LHFPL3: variants seen among roughly 807,000 people sequenced by gnomAD.
LHFPL3 encodes LHFPL tetraspan subfamily member 3 protein.
Under a neutral mutation model 19.3 loss-of-function variants are expected in LHFPL3, and 5 were observed. The ratio of observed to expected loss-of-function variants is 0.26; its 90% CI spans 0.14 to 0.54. The LOEUF is 0.54. Among genes scored for constraint, LHFPL3 ranks in the 20% least tolerant of loss-of-function variants. The pLI is 0.94. For missense variants in LHFPL3, 249 were observed against 307.4 expected (o/e 0.81, Z 1.42); for synonymous variants, 133 against 126.2 (o/e 1.05, Z -0.36).
chr7:104,666,817 G>T (rs1054960360), intron 1 of LHFPL3, among the ~76,000 whole-genome samples: 1 of 151,818 alleles, frequency 6.6e-6, no homozygotes, highest in African/African-American at 2.4e-5. Flanking sequence ...CCACCACCGC[G>T]CCCAGCCTCA....
At chr7:104,593,370 G>A (rs1790768761) in intron 1 of LHFPL3, among the ~76,000 whole-genome samples, 3 of 152,258 alleles carry the variant, frequency 2.0e-5, no homozygotes, top group Non-Finnish European at 2.9e-5. Context: ...TCTTAATCCT[G>A]AGTTCTAGTT....
At chr7:104,872,744 A>ATCTTCTATGT (rs1791860373) in intron 2 of LHFPL3, among the ~76,000 whole-genome samples, 1 of 152,114 alleles carries the variant, frequency 6.6e-6, no homozygotes, top group Non-Finnish European at 1.5e-5. Context: ...GGACAATAAC[A>ATCTTCTATGT]CACGGAGCTG....
At chr7:104,814,667 C>A (rs943253816) in intron 2 of LHFPL3, among the ~76,000 whole-genome samples, 1 of 152,212 alleles carries the variant, frequency 6.6e-6, no homozygotes, top group Non-Finnish European at 1.5e-5. Flanking sequence ...TGCCAAGCGG[C>A]ACCTATAGGT....
intron 1 of LHFPL3, among the ~76,000 whole-genome samples, chr7:104,396,759 C>T (rs1429769441): frequency 6.6e-6 from 1 of 151,854 alleles, no homozygotes; most frequent in Non-Finnish European, 1.5e-5. Flanking sequence ...GAGTTCAAGG[C>T]TAGCCTGGGC....
chr7:104,637,247 T>C (rs958112662), intron 1 of LHFPL3, among the ~76,000 whole-genome samples: 1 of 152,156 alleles, frequency 6.6e-6, no homozygotes, highest in African/African-American at 2.4e-5. Context: ...TGCTTGTAAA[T>C]TTGTTTAAGT....
intron 1 of LHFPL3, chr7:104,668,371 T>C: frequency 6.3e-7 from 1 of 1,594,238 alleles, no homozygotes; most frequent in Admixed American, 1.7e-5. Context: ...ACAGACACCT[T>C]TGATGACTAC....
chr7:104,424,983 T>TAAAAAAAAAA (rs71153196), intron 1 of LHFPL3, among the ~76,000 whole-genome samples: 1,095 of 65,040 alleles, frequency 0.017, 136 homozygotes, highest in African/African-American at 0.048. Context: ...CTCCATCTCA[T>TAAAAAAAAAA]AAAAAAAAAA....
At chr7:104,460,746 C>A (rs2115569460) in intron 1 of LHFPL3, among the ~76,000 whole-genome samples, 1 of 152,158 alleles carries the variant, frequency 6.6e-6, no homozygotes. Flanking sequence ...GATATTAGAT[C>A]TTTTTCAGAT....
chr7:104,854,134 C>A (rs1384561537), intron 2 of LHFPL3, among the ~76,000 whole-genome samples: 1 of 152,110 alleles, frequency 6.6e-6, no homozygotes, highest in Non-Finnish European at 1.5e-5. Flanking sequence ...AGGAGATACC[C>A]AGAGACATGA....
At chr7:104,665,857 C>A (rs943677517) in intron 1 of LHFPL3, among the ~76,000 whole-genome samples, 1 of 152,224 alleles carries the variant, frequency 6.6e-6, no homozygotes, top group Non-Finnish European at 1.5e-5. Flanking sequence ...ACAAGACTCT[C>A]TGACTTCGAC....
At chr7:104,871,694 T>C (rs1791841219) in intron 2 of LHFPL3, among the ~76,000 whole-genome samples, 1 of 152,182 alleles carries the variant, frequency 6.6e-6, no homozygotes, top group Non-Finnish European at 1.5e-5. Flanking sequence ...GTTTCACTTT[T>C]GTTGCCCAGG....
intron 1 of LHFPL3, among the ~76,000 whole-genome samples, chr7:104,626,694 C>T (rs1340943554): frequency 1.3e-5 from 2 of 152,132 alleles, no homozygotes; most frequent in African/African-American, 4.8e-5. Flanking sequence ...AGAACCTCTG[C>T]AGGAGGAAGT....
intron 2 of LHFPL3, among the ~76,000 whole-genome samples, chr7:104,900,264 T>TTTC (rs1339577564): frequency 2.0e-5 from 3 of 152,260 alleles, no homozygotes; most frequent in Non-Finnish European, 4.4e-5. Context: ...TTGTGCCTGT[T>TTTC]TTCTTGCTTT....
At chr7:104,623,336 G>A (rs1008647126) in intron 1 of LHFPL3, among the ~76,000 whole-genome samples, 5 of 151,908 alleles carry the variant, frequency 3.3e-5, no homozygotes, top group African/African-American at 1.2e-4. Flanking sequence ...TGAATCATAA[G>A]AGATCTTCAA....
intron 1 of LHFPL3, among the ~76,000 whole-genome samples, chr7:104,401,252 G>A (rs917212337): frequency 6.6e-6 from 1 of 152,106 alleles, no homozygotes; most frequent in Non-Finnish European, 1.5e-5. Flanking sequence ...CCAAATTAGT[G>A]TATAAGGCTC....
intron 1 of LHFPL3, among the ~76,000 whole-genome samples, chr7:104,643,403 T>G (rs1483983434): frequency 2.6e-5 from 4 of 152,176 alleles, no homozygotes; most frequent in Non-Finnish European, 5.9e-5. Flanking sequence ...TAATAGATAA[T>G]TTCAGTATTA....
At chr7:104,615,865 C>T (rs557671440) in intron 1 of LHFPL3, among the ~76,000 whole-genome samples, 55 of 152,244 alleles carry the variant, frequency 3.6e-4, no homozygotes, top group African/African-American at 1.3e-3. Context: ...AGAGCTAAAT[C>T]ATGAGTGAAC....
intron 2 of LHFPL3, among the ~76,000 whole-genome samples, chr7:104,852,648 G>A (rs1584576533): frequency 6.6e-6 from 1 of 152,396 alleles, no homozygotes; most frequent in East Asian, 1.9e-4. Flanking sequence ...GACCAGTGCA[G>A]TCCCACAGGG....
At position 104,341,232 on chromosome 7, in the gene LHFPL3, T is replaced by G. The variant is rs17136866; in HGVS notation, c.445+12008T>G. 2.9e-3 allele frequency among the ~76,000 whole-genome samples: 447 copies of G among 152,348 alleles called. 1 individual carries two copies. Among genetic ancestry groups the G allele is most frequent in the African/African-American group, 0.01 (434 of 41,598 alleles). Reference sequence around the variant, plus strand: ...AGGTAGTGATTTAAAATTTTCAGATTTATGCTCAAATGAAGGTTATGTTGT... The same window carrying G: ...AGGTAGTGATTTAAAATTTTCAGATGTATGCTCAAATGAAGGTTATGTTGT... On this transcript the variant is annotated intron_variant, in intron 1 of 2. Transcript: ENST00000424859.
Sources: allele counts gnomAD v4.1 joint callset (sites outside exome capture counted in the v4.1 genomes callset), GRCh38; gene constraint gnomAD v4.1.1; transcripts MANE v1.5; gene names NCBI Gene and HGNC (gene_info 2026-07-23, HGNC 2026-07-21).